GRIA4: variants seen among roughly 807,000 people sequenced by gnomAD.
The protein encoded by GRIA4 is glutamate ionotropic receptor AMPA type subunit 4.
A neutral mutation model predicts 104.0 loss-of-function variants in GRIA4; 34 were observed. The observed-to-expected ratio is 0.33, with a 90% CI of 0.25 to 0.44. GRIA4 has a LOEUF of 0.44. Ranked by LOEUF, GRIA4 falls within the 20% of genes least tolerant of loss-of-function variation. GRIA4 has a pLI of 1.00. For missense variants in GRIA4, 750 were observed against 1,096.5 expected, an observed-to-expected ratio of 0.68 and a Z score of 4.46; for synonymous variants, 386 against 381.9, an observed-to-expected ratio of 1.01 and a Z score of -0.13.
Position 105,633,872 on chromosome 11 carries a change from A to T in GRIA4, c.247+21438A>T, listed in dbSNP as rs187430504. Among the ~76,000 whole-genome samples, 45 of 152,252 alleles carry T rather than the reference A, an allele frequency of 3.0e-4. 1 individual carries two copies. The East Asian group carries it at 7.9e-3, about 27-fold the overall frequency. On this transcript the variant is annotated intron_variant, in intron 3 of 16. Coordinates refer to ENST00000282499, the MANE Select transcript of GRIA4 (RefSeq NM_000829.4). ...CGATGCTGAGAAAGAACTAGAAATG[A>T]CTTGGAAACTGAGACTTTTAGAACT... is the stretch of plus-strand genomic sequence containing the variant.
intron 3 of GRIA4, among the ~76,000 whole-genome samples, chr11:105,711,169 A>G (rs550809677): frequency 6.6e-6 from 1 of 152,186 alleles, no homozygotes; most frequent in African/African-American, 2.4e-5. Flanking sequence ...GATCAAACCT[A>G]GTTGGGTTCC....
intron 4 of GRIA4, among the ~76,000 whole-genome samples, chr11:105,787,968 A>G (rs1186498283): frequency 1.3e-5 from 2 of 152,154 alleles, no homozygotes; most frequent in African/African-American, 2.4e-5. Flanking sequence ...TTGACTGCCC[A>G]TTACAAAGAA....
chr11:105,877,719 C>T (rs555992953), intron 5 of GRIA4, among the ~76,000 whole-genome samples: 17 of 152,208 alleles, frequency 1.1e-4, no homozygotes, highest in East Asian at 5.8e-4. Context: ...TATTTGTGTA[C>T]GCTTCACGAA....
At chr11:105,904,848 T>C (rs952269071) in intron 8 of GRIA4, among the ~76,000 whole-genome samples, 2 of 152,188 alleles carry the variant, frequency 1.3e-5, no homozygotes, top group Non-Finnish European at 2.9e-5. Context: ...ATTTAATCCA[T>C]TTTGTGGATA....
intron 3 of GRIA4, among the ~76,000 whole-genome samples, chr11:105,671,833 G>A (rs11606220): frequency 0.49 from 74,360 of 151,684 alleles, 18,604 homozygotes; most frequent in Admixed American, 0.59. Flanking sequence ...TTGATATTTA[G>A]GCTGTCTGTT....
At chr11:105,675,884 T>C (rs1952519825) in intron 3 of GRIA4, among the ~76,000 whole-genome samples, 1 of 151,876 alleles carries the variant, frequency 6.6e-6, no homozygotes, top group Non-Finnish European at 1.5e-5. Context: ...TGTAGACACA[T>C]TCCAGATGTC....
At chr11:105,819,760 T>C (rs957664296) in intron 4 of GRIA4, among the ~76,000 whole-genome samples, 3 of 152,124 alleles carry the variant, frequency 2.0e-5, no homozygotes, top group Non-Finnish European at 4.4e-5. Context: ...ATTACTATTA[T>C]CTCTGATATG....
intron 7 of GRIA4, among the ~76,000 whole-genome samples, chr11:105,900,538 A>G (rs1048701509): frequency 5.9e-5 from 9 of 152,048 alleles, no homozygotes; most frequent in Admixed American, 5.9e-4. Context: ...GCTTTATCTC[A>G]AATTCCACTT....
chr11:105,815,255 C>G (rs1943329691), intron 4 of GRIA4, among the ~76,000 whole-genome samples: 1 of 152,142 alleles, frequency 6.6e-6, no homozygotes, highest in Admixed American at 6.6e-5. Flanking sequence ...TGATTCTTGT[C>G]TAATAGAACC....
chr11:105,922,981 A>G (rs762756754), intron 11 of GRIA4, among the ~76,000 whole-genome samples: 1 of 152,094 alleles, frequency 6.6e-6, no homozygotes, highest in Non-Finnish European at 1.5e-5. Flanking sequence ...ATTTGAACAA[A>G]GTTTATTCCC....
intron 3 of GRIA4, among the ~76,000 whole-genome samples, chr11:105,696,492 G>A (rs113362129): frequency 1.3e-5 from 2 of 152,048 alleles, no homozygotes; most frequent in Non-Finnish European, 2.9e-5. Flanking sequence ...AATCATATTT[G>A]GGGGCTTCCT....
At chr11:105,698,569 A>C (rs1391782653) in intron 3 of GRIA4, among the ~76,000 whole-genome samples, 1 of 152,184 alleles carries the variant, frequency 6.6e-6, no homozygotes, top group African/African-American at 2.4e-5. Context: ...GAATCAAATC[A>C]ACGTAGAAGT....
intron 10 of GRIA4, among the ~76,000 whole-genome samples, chr11:105,911,291 T>G (rs1010909606): frequency 2.0e-5 from 3 of 152,084 alleles, no homozygotes; most frequent in African/African-American, 7.2e-5. Context: ...TGAAATTACC[T>G]TTTAAATAAT....
chr11:105,893,833 G>A (rs1191104340), intron 6 of GRIA4, among the ~76,000 whole-genome samples: 1 of 152,144 alleles, frequency 6.6e-6, no homozygotes, highest in Non-Finnish European at 1.5e-5. Context: ...CTGCCTGTGG[G>A]TCTGCCGTAT....
chr11:105,870,179 G>A (rs955736338), intron 5 of GRIA4, among the ~76,000 whole-genome samples: 11 of 150,834 alleles, frequency 7.3e-5, no homozygotes, highest in African/African-American at 1.9e-4. Flanking sequence ...CATGTGTGAT[G>A]AAATATATAT....
intron 4 of GRIA4, among the ~76,000 whole-genome samples, chr11:105,832,074 C>T (rs992107796): frequency 1.3e-5 from 2 of 151,788 alleles, no homozygotes; most frequent in Admixed American, 6.6e-5. Context: ...TCAGTAAGGC[C>T]GGGGAATCAA....
intron 4 of GRIA4, among the ~76,000 whole-genome samples, chr11:105,772,713 T>A (rs1327976535): frequency 2.6e-5 from 4 of 152,054 alleles, no homozygotes; most frequent in East Asian, 1.9e-4. Flanking sequence ...TACTTATATA[T>A]GTTTGTGTCC....
intron 11 of GRIA4, among the ~76,000 whole-genome samples, chr11:105,922,358 T>C (rs558035186): frequency 1.3e-5 from 2 of 152,294 alleles, no homozygotes; most frequent in Admixed American, 6.5e-5. Context: ...GAAATTTGCA[T>C]AATCTTTCTG....
intron 5 of GRIA4, among the ~76,000 whole-genome samples, chr11:105,871,107 T>C (rs1945597347): frequency 6.6e-6 from 1 of 152,120 alleles, no homozygotes. Context: ...CATTGCAGTT[T>C]ATATTTTAGT....
Sources: gnomAD v4.1 joint callset for allele counts (sites outside exome capture counted in the v4.1 genomes callset) on GRCh38, gnomAD v4.1.1 for gene constraint, MANE v1.5 for transcripts, NCBI Gene and HGNC (gene_info 2026-07-23, HGNC 2026-07-21) for gene names.